The following SH3KBP1 variants were observed in gnomAD, a reference collection of about 807,000 sequenced individuals.
SH3KBP1 encodes the protein SH3 domain-containing kinase-binding protein 1.
Under a neutral mutation model 50.1 loss-of-function variants are expected in SH3KBP1, and 8 were observed. The observed-to-expected ratio is 0.16, with a 90% confidence interval of 0.09 to 0.29. The LOEUF is 0.29. SH3KBP1 is among the 10% of genes least tolerant of loss of function. The probability of loss-of-function intolerance (pLI) is 1.00; values close to 1 mark genes in which losing one functional copy is unlikely to be tolerated. For synonymous variants in SH3KBP1, 227 were observed against 218.6 expected, an observed-to-expected ratio of 1.04 and a Z score of -0.34; for missense variants, 377 against 535.2, an observed-to-expected ratio of 0.70 and a Z score of 2.92.
intron 2 of SH3KBP1, among the ~76,000 whole-genome samples, chrX:19,773,856 G>GAAA (rs59381892): frequency 6.0e-4 from 9 of 14,921 alleles, no homozygotes; most frequent in East Asian, 2.4e-3. Flanking sequence ...ACTCCGGCTC[G>GAAA]AAAAAAAAAA....
chrX:19,879,272 C>A (rs780671479), intron 1 of SH3KBP1, among the ~76,000 whole-genome samples: 1 of 111,773 alleles, frequency 8.9e-6, no homozygotes, highest in Admixed American at 9.5e-5. Context: ...AAACTTACTA[C>A]GGAAAGAGAC....
intron 1 of SH3KBP1, among the ~76,000 whole-genome samples, chrX:19,868,321 T>A (rs2068962900): frequency 9.0e-6 from 1 of 111,479 alleles, no homozygotes; most frequent in Admixed American, 9.5e-5. Flanking sequence ...AAAAGGACTG[T>A]GGCAAACAGA....
intron 13 of SH3KBP1, among the ~76,000 whole-genome samples, chrX:19,557,796 C>G (rs1014312044): frequency 1.8e-5 from 2 of 111,778 alleles, no homozygotes; most frequent in Non-Finnish European, 3.8e-5. Flanking sequence ...TGGAAAATAG[C>G]CACATTCCCT....
rs57533054 is a variant in SH3KBP1, at chrX:19,726,478, C to CT, written c.287-19495dup. The stretch of plus-strand genomic sequence containing the variant: ...TACTGATTGCATTAAGGTCCTAATT[C>CT]TTTTTTTTTTTAACTTTTATTTTAG... On this transcript the variant is annotated intron_variant, in intron 3 of 17. Transcript: ENST00000397821. Among the ~76,000 whole-genome samples, 553 of 105,131 alleles carry CT rather than the reference C, an allele frequency of 5.3e-3. 5 individuals carry two copies. The highest frequency in any genetic ancestry group is 0.017 in the East Asian group (58 of 3,389). The allele number at this position is 105,131 out of a possible 115,157, so 91.3% of individuals were successfully genotyped here. A position where few individuals can be genotyped will look rare whatever the true frequency, so the allele number is the denominator to read the frequency against.
At chrX:19,749,076 A>G (rs550034340) in intron 2 of SH3KBP1, among the ~76,000 whole-genome samples, 1 of 112,645 alleles carries the variant, frequency 8.9e-6, no homozygotes, top group African/African-American at 3.2e-5. Context: ...GGAAATGCAA[A>G]TGAAAACCAC....
chrX:19,653,745 CAT>C (rs1204916556), intron 6 of SH3KBP1, among the ~76,000 whole-genome samples: 7 of 98,884 alleles, frequency 7.1e-5, no homozygotes, highest in African/African-American at 1.4e-4. Flanking sequence ...TATACATACA[CAT>C]ATATATATGT....
Position 19,746,294 on chromosome X carries a change from G to A in SH3KBP1, c.286+24C>T, listed in dbSNP as rs759739474. The A allele has an allele frequency of 2.5e-6, 3 of 1,206,558 alleles. No individual in the cohort carries two copies. The South Asian group carries it at 5.4e-5, about 22-fold the overall frequency. ...CAGCTTTTGTTTGTGTGCAGGGAGG[G>A]AACCTCTTTTTCCTTTTCCATACCT... On this transcript the variant is annotated intron_variant, in intron 3 of 17. Transcript: ENST00000397821.
intron 12 of SH3KBP1, among the ~76,000 whole-genome samples, chrX:19,583,512 G>A (rs1217091248): frequency 1.8e-5 from 2 of 110,860 alleles, no homozygotes; most frequent in Non-Finnish European, 3.8e-5. Flanking sequence ...TTTTCTTCCT[G>A]TTGAAATTCC....
chrX:19,608,163 G>A (rs1279409587), intron 8 of SH3KBP1, 118 bp from the exon 9 acceptor site: 1 of 533,419 alleles, frequency 1.9e-6, no homozygotes, highest in African/African-American at 2.4e-5. Context: ...ATGAGGCAAT[G>A]GTTACCAAGT....
intron 1 of SH3KBP1, among the ~76,000 whole-genome samples, chrX:19,874,068 AATATAT>A (rs1412019430): frequency 1.8e-5 from 1 of 57,045 alleles, no homozygotes; most frequent in African/African-American, 1.6e-4. Context: ...AAAAAAAAAA[AATATAT>A]ATATATATAT....
At chrX:19,714,164 T>C (rs923794906) in intron 3 of SH3KBP1, among the ~76,000 whole-genome samples, 1 of 111,555 alleles carries the variant, frequency 9.0e-6, no homozygotes, top group African/African-American at 3.3e-5. Context: ...ACATAGAGAA[T>C]AGAAGGATGG....
chrX:19,882,772 G>A (rs757470615), intron 1 of SH3KBP1, among the ~76,000 whole-genome samples: 20 of 111,666 alleles, frequency 1.8e-4, no homozygotes, highest in Admixed American at 5.7e-4. Flanking sequence ...TAAAGAGGAT[G>A]GAGGGTAAAG....
At chrX:19,872,252 CAAAAAAAAAAAAA>C (rs67033348) in intron 1 of SH3KBP1, among the ~76,000 whole-genome samples, 2 of 37,967 alleles carry the variant, frequency 5.3e-5, no homozygotes, top group Admixed American at 4.0e-4. Context: ...AACTTCATCT[CAAAAAAAAAAAAA>C]AAAAAAAAGA....
At chrX:19,798,959 A>T (rs1464587897) in intron 2 of SH3KBP1, among the ~76,000 whole-genome samples, 4 of 112,176 alleles carry the variant, frequency 3.6e-5, no homozygotes, top group Non-Finnish European at 7.5e-5. Context: ...GATCTTGGTT[A>T]GCAGCCCATG....
At chrX:19,621,457 G>A (rs950926427) in intron 8 of SH3KBP1, among the ~76,000 whole-genome samples, 7 of 109,825 alleles carry the variant, frequency 6.4e-5, no homozygotes, top group Non-Finnish European at 1.1e-4. Flanking sequence ...AAAATTAATC[G>A]GCTGGATTTT....
At chrX:19,539,687 A>T (rs2064826534) in intron 16 of SH3KBP1, among the ~76,000 whole-genome samples, 1 of 112,154 alleles carries the variant, frequency 8.9e-6, no homozygotes, top group Non-Finnish European at 1.9e-5. Context: ...CAGGGAGGTG[A>T]GAACCAGCTT....
At chrX:19,719,247 T>C (rs988566551) in intron 3 of SH3KBP1, among the ~76,000 whole-genome samples, 12 of 111,359 alleles carry the variant, frequency 1.1e-4, no homozygotes, top group African/African-American at 3.6e-4. Flanking sequence ...TGCCTCATGA[T>C]GGTTAGGGCG....
chrX:19,858,358 C>T (rs1260844873), intron 1 of SH3KBP1, among the ~76,000 whole-genome samples: 1 of 111,191 alleles, frequency 9.0e-6, no homozygotes, highest in African/African-American at 3.3e-5. Flanking sequence ...CAGTGGCTTA[C>T]ACCTGTAATA....
At chrX:19,537,062 C>G (rs2064730752) in intron 17 of SH3KBP1, among the ~76,000 whole-genome samples, 1 of 111,685 alleles carries the variant, frequency 9.0e-6, no homozygotes, top group African/African-American at 3.3e-5. Flanking sequence ...AGCAAATGCC[C>G]CCGAACATGG....
Sources: allele counts gnomAD v4.1 joint callset (sites outside exome capture counted in the v4.1 genomes callset), GRCh38; gene constraint gnomAD v4.1.1; transcripts MANE v1.5; gene names NCBI Gene and HGNC (gene_info 2026-07-23, HGNC 2026-07-21).